The following HMGN5 variants were observed in gnomAD, a reference collection of about 807,000 sequenced individuals.
HMGN5 encodes high mobility group nucleosome-binding domain-containing protein 5.
In HMGN5, 4 loss-of-function variants were observed where a neutral mutation model predicts 9.5. The observed-to-expected ratio is 0.42, with a 90% CI of 0.21 to 0.96. The LOEUF (loss-of-function observed/expected upper bound fraction) is 0.96. Ranked by LOEUF, HMGN5 falls within the 40% of genes least tolerant of loss-of-function variation. The pLI is 0.30. For synonymous variants in HMGN5, 55 were observed against 57.1 expected (o/e 0.96, Z 0.16); for missense variants, 192 against 187.5 (o/e 1.02, Z -0.14).
At chrX:81,151,211 TCCC>T in intron 1 of HMGN5, among the ~76,000 whole-genome samples, 1 of 111,879 alleles carries the variant, frequency 8.9e-6, no homozygotes, top group African/African-American at 3.3e-5. Flanking sequence ...GGGAATCCTT[TCCC>T]CATTGCTTGT....
chrX:81,201,341 C>T (rs184066309), intron 1 of HMGN5, among the ~76,000 whole-genome samples: 44 of 111,201 alleles, frequency 4.0e-4, no homozygotes, highest in African/African-American at 1.3e-3. Context: ...CATCTGATCT[C>T]TCTCTTCACC....
intron 1 of HMGN5, among the ~76,000 whole-genome samples, chrX:81,178,234 T>C (rs756647748): frequency 1.5e-4 from 17 of 110,508 alleles, no homozygotes; most frequent in Non-Finnish European, 2.3e-4. Flanking sequence ...TGGAAAGAGA[T>C]AGAGACACAA....
At chrX:81,139,120 A>C (rs1403814524) in intron 1 of HMGN5, among the ~76,000 whole-genome samples, 1 of 112,438 alleles carries the variant, frequency 8.9e-6, no homozygotes. Flanking sequence ...AAACATAGAC[A>C]TATTCTAAAA....
chrX:81,161,367 C>T (rs1875070271), intron 1 of HMGN5, among the ~76,000 whole-genome samples: 1 of 111,275 alleles, frequency 9.0e-6, no homozygotes, highest in African/African-American at 3.3e-5. Context: ...ATCCCCTAGT[C>T]TTTGAGTATT....
Position 81,124,237 on chromosome X carries a change from C to T in HMGN5, c.-123-2565G>A, listed in dbSNP as rs139735330. ...GTGAAACATTCTTCTGTTTCTTGAC[C>T]CCAATCCCCCATTTCCTCATGTTCT... On this transcript the variant is annotated intron_variant, in intron 1 of 6. Transcript: ENST00000358130. 5.9e-3 allele frequency among the ~76,000 whole-genome samples: 666 copies of T among 112,150 alleles called. 5 individuals are homozygous for T. The highest frequency in any genetic ancestry group is 9.3e-3 in the Non-Finnish European group (497 of 53,161).
intron 1 of HMGN5, among the ~76,000 whole-genome samples, chrX:81,155,048 T>G (rs2147566631): frequency 1.0e-5 from 1 of 96,494 alleles, no homozygotes; most frequent in East Asian, 3.2e-4. Context: ...GGTATATGCC[T>G]AAAAGAAAGG....
intron 1 of HMGN5, among the ~76,000 whole-genome samples, chrX:81,140,076 A>C (rs755581324): frequency 8.9e-6 from 1 of 111,801 alleles, no homozygotes; most frequent in East Asian, 2.8e-4. Flanking sequence ...GGCAGTCTTA[A>C]AAGAGACCTC....
intron 1 of HMGN5, among the ~76,000 whole-genome samples, chrX:81,188,230 C>T (rs1490625376): frequency 9.3e-6 from 1 of 107,476 alleles, no homozygotes; most frequent in Non-Finnish European, 1.9e-5. Context: ...TCCTGAGTAG[C>T]TGGGACTACA....
intron 1 of HMGN5, among the ~76,000 whole-genome samples, chrX:81,168,055 G>A (rs1383952245): frequency 8.9e-6 from 1 of 112,049 alleles, no homozygotes; most frequent in Non-Finnish European, 1.9e-5. Flanking sequence ...CAGAACTTGT[G>A]GGAGCAGACT....
In HMGN5 at chrX:81,188,263, A is replaced by ATATTATTATTATTAT. The variant is rs558790724; in HGVS notation, c.-124+13459_-124+13473dup. 8.4e-3 allele frequency among the ~76,000 whole-genome samples: 729 copies of ATATTATTATTATTAT among 86,952 alleles called. 6 individuals are homozygous for ATATTATTATTATTAT. Among genetic ancestry groups the ATATTATTATTATTAT allele is most frequent in the Non-Finnish European group, 0.013 (597 of 45,422 alleles). 75.5% of individuals were successfully genotyped at this position (86,952 alleles called of 115,157 possible). On this transcript the variant is annotated intron_variant, in intron 1 of 6. Transcript: ENST00000358130. ...ACAGGCATGTGCCACTGTGCACAGA[A>ATATTATTATTATTAT]TATTATTATTATTATTATTATTATT... is the stretch of plus-strand genomic sequence containing the variant.
intron 1 of HMGN5, among the ~76,000 whole-genome samples, chrX:81,149,081 G>C (rs948274804): frequency 9.0e-6 from 1 of 111,557 alleles, no homozygotes; most frequent in Non-Finnish European, 1.9e-5. Context: ...AATTCCTCAA[G>C]GATCTAGAAC....
intron 1 of HMGN5, among the ~76,000 whole-genome samples, chrX:81,190,172 A>G (rs192181847): frequency 9.0e-6 from 1 of 111,527 alleles, no homozygotes; most frequent in African/African-American, 3.2e-5. Flanking sequence ...TGTTATTTGT[A>G]TATTTTGTAA....
intron 1 of HMGN5, among the ~76,000 whole-genome samples, chrX:81,160,068 T>C (rs962634734): frequency 3.6e-5 from 4 of 111,653 alleles, no homozygotes; most frequent in Non-Finnish European, 7.5e-5. Context: ...CATGAAAAAA[T>C]GCTTGTGATG....
intron 1 of HMGN5, among the ~76,000 whole-genome samples, chrX:81,134,276 C>G (rs184571328): frequency 1.7e-3 from 184 of 111,510 alleles, no homozygotes; most frequent in Admixed American, 3.2e-3. Context: ...AGTTTGGACA[C>G]TATCATTTGA....
chrX:81,132,908 T>C (rs2147547612), intron 1 of HMGN5, among the ~76,000 whole-genome samples: 1 of 109,571 alleles, frequency 9.1e-6, no homozygotes, highest in East Asian at 2.9e-4. Flanking sequence ...ACACCACCAA[T>C]AGAGTAGACA....
chrX:81,179,640 T>A (rs917284525), intron 1 of HMGN5, among the ~76,000 whole-genome samples: 1 of 111,832 alleles, frequency 8.9e-6, no homozygotes, highest in African/African-American at 3.3e-5. Flanking sequence ...AGATAATTTA[T>A]AGATTCAATG....
At chrX:81,154,713 G>T (rs891005802) in intron 1 of HMGN5, among the ~76,000 whole-genome samples, 5 of 110,951 alleles carry the variant, frequency 4.5e-5, no homozygotes, top group Non-Finnish European at 9.4e-5. Flanking sequence ...CAAAAGATTA[G>T]AATAGACATT....
At chrX:81,143,843 G>A (rs993550919) in intron 1 of HMGN5, among the ~76,000 whole-genome samples, 2 of 112,028 alleles carry the variant, frequency 1.8e-5, no homozygotes, top group South Asian at 3.7e-4. Flanking sequence ...TGAGGCTTGA[G>A]TAGACAGTTT....
intron 1 of HMGN5, among the ~76,000 whole-genome samples, chrX:81,141,704 A>C (rs2062799429): frequency 9.0e-6 from 1 of 111,703 alleles, no homozygotes; most frequent in African/African-American, 3.3e-5. Flanking sequence ...ACTTTTGAAT[A>C]TCTGGAAAGC....
Sources: gnomAD v4.1 joint callset for allele counts (sites outside exome capture counted in the v4.1 genomes callset) on GRCh38, gnomAD v4.1.1 for gene constraint, MANE v1.5 for transcripts, NCBI Gene and HGNC (gene_info 2026-07-23, HGNC 2026-07-21) for gene names.